Variants in TFEC observed in about 807,000 individuals in gnomAD.
TFEC encodes the protein class E basic helix-loop-helix protein 34.
In TFEC, 31 loss-of-function variants were observed where a neutral mutation model predicts 41.6. The ratio of observed to expected loss-of-function variants is 0.74; its 90% CI spans 0.56 to 1.01. The LOEUF is 1.01. Ranked by LOEUF, TFEC falls within the 50% of genes least tolerant of loss-of-function variation. The pLI is 0.00. For synonymous variants in TFEC, 143 were observed against 140.6 expected (o/e 1.02, Z -0.12); for missense variants, 402 against 404.1 (o/e 0.99, Z 0.04).
intron 3 of TFEC, among the ~76,000 whole-genome samples, chr7:116,110,441 GATGATA>G (rs761540883): frequency 1.3e-5 from 2 of 152,080 alleles, no homozygotes; most frequent in Non-Finnish European, 2.9e-5. Context: ...CAATGATGTA[GATGATA>G]ATGATAATAA....
At chr7:116,111,950 C>T (rs1175852819) in intron 2 of TFEC, 1 of 960,384 alleles carries the variant, frequency 1.0e-6, no homozygotes, top group Non-Finnish European at 1.2e-6. Flanking sequence ...TGTGGTCTTG[C>T]TGAGACAAGT....
At chr7:116,151,816 A>G (rs1798768649) in intron 1 of TFEC, among the ~76,000 whole-genome samples, 1 of 152,182 alleles carries the variant, frequency 6.6e-6, no homozygotes. Flanking sequence ...ATAAAATACT[A>G]CTGAAACCTG....
At chr7:115,946,538 C>T (rs906473384) in intron 6 of TFEC, among the ~76,000 whole-genome samples, 1 of 150,786 alleles carries the variant, frequency 6.6e-6, no homozygotes, top group African/African-American at 2.4e-5. Context: ...GTCTCAGCCT[C>T]CTGAGTAGCT....
chr7:115,984,279 C>A lies in TFEC; in HGVS notation c.163G>T (p.Asp55Tyr). 1 of 1,613,994 alleles carries A rather than the reference C, an allele frequency of 6.2e-7. No individual in the cohort carries two copies. Among genetic ancestry groups the A allele is most frequent in the Non-Finnish European group, 8.5e-7 (1 of 1,179,912 alleles). ...AGACATACATGCCATTGTGCATTGT[C>A]ATCTTCTTTCCCAATAGCTAGTAAC... ...TKLLAIGKED[D>Y]NAQWHMEDVI... The change falls in exon 2 of 8, where the codon GAC (aspartate) becomes TAC (tyrosine). Residue 55 changes from aspartate to tyrosine, a missense_variant. Coordinates refer to ENST00000265440, the MANE Select transcript of TFEC (RefSeq NM_012252.4).
At chr7:115,971,472 C>A (rs1323903362) in intron 3 of TFEC, among the ~76,000 whole-genome samples, 1 of 151,852 alleles carries the variant, frequency 6.6e-6, no homozygotes, top group Non-Finnish European at 1.5e-5. Context: ...CCCTTTGTTT[C>A]TTTTGTTTTT....
intron 1 of TFEC, among the ~76,000 whole-genome samples, chr7:116,136,307 T>C (rs568662881): frequency 6.6e-6 from 1 of 152,150 alleles, no homozygotes; most frequent in East Asian, 1.9e-4. Context: ...TGTTTTAAAA[T>C]GTATATTAAT....
At chr7:116,019,421 T>A (rs1337075868) in intron 1 of TFEC, among the ~76,000 whole-genome samples, 1 of 152,200 alleles carries the variant, frequency 6.6e-6, no homozygotes, top group Admixed American at 6.5e-5. Flanking sequence ...GCATCCAACA[T>A]GGTTTTAGTC....
rs1189559339 is a variant in TFEC at position 115,950,819 on chromosome 7, C to T, written c.515+55G>A. On this transcript the variant is annotated intron_variant, in intron 6 of 7. Coordinates refer to ENST00000265440, the MANE Select transcript of TFEC (RefSeq NM_012252.4). ...CTCTCCTCCCTTCTTCCCTCCCATT[C>T]ATTTTGGGGGTCTTTAAATTATAAC... 69 of 1,370,174 alleles carry T rather than the reference C, an allele frequency of 5.0e-5. 1 individual carries two copies. Among genetic ancestry groups the T allele is most frequent in the Non-Finnish European group, 6.7e-5 (66 of 989,096 alleles). The allele number at this position is 1,370,174 out of a possible 1,614,324, so 84.9% of individuals were successfully genotyped here. A position where few individuals can be genotyped will look rare whatever the true frequency, so the allele number is the denominator to read the frequency against.
intron 3 of TFEC, among the ~76,000 whole-genome samples, chr7:116,062,225 CTTT>C (rs569480964): frequency 1.9e-5 from 1 of 51,900 alleles, no homozygotes; most frequent in Non-Finnish European, 3.0e-5. Context: ...CATGCCTGGC[CTTT>C]TTTTTTTTTT....
intron 1 of TFEC, among the ~76,000 whole-genome samples, chr7:116,003,020 T>C (rs550169860): frequency 1.3e-5 from 2 of 151,780 alleles, no homozygotes; most frequent in Non-Finnish European, 2.9e-5. Flanking sequence ...AGAACAAGGG[T>C]AACAAATAGA....
chr7:116,088,251 A>G (rs781447507), intron 3 of TFEC, among the ~76,000 whole-genome samples: 1 of 152,120 alleles, frequency 6.6e-6, no homozygotes, highest in Non-Finnish European at 1.5e-5. Flanking sequence ...TCGTTACTAT[A>G]GAACTCTGTG....
At chr7:116,028,878 T>G (rs1157323684) in intron 1 of TFEC, among the ~76,000 whole-genome samples, 20 of 152,200 alleles carry the variant, frequency 1.3e-4, no homozygotes, top group Non-Finnish European at 2.9e-4. Flanking sequence ...TCCTTATTTC[T>G]CCTTTCTGAC....
chr7:115,942,191 G>A, intron 6 of TFEC, 151 bp from the exon 7 acceptor site: 1 of 714,270 alleles, frequency 1.4e-6, no homozygotes, highest in Non-Finnish European at 2.0e-6. Flanking sequence ...AATTTTAATA[G>A]AATAGTTAAG....
intron 3 of TFEC, among the ~76,000 whole-genome samples, chr7:116,036,967 T>A (rs1584433658): frequency 6.6e-6 from 1 of 152,054 alleles, no homozygotes. Context: ...CATTTAAGTT[T>A]AAAATATTAG....
intron 1 of TFEC, among the ~76,000 whole-genome samples, chr7:115,992,618 T>G (rs1794174034): frequency 6.6e-6 from 1 of 152,136 alleles, no homozygotes; most frequent in South Asian, 2.1e-4. Context: ...AATGGATAAA[T>G]TCCTGGATAC....
At chr7:115,994,804 C>A (rs1314070120) in intron 1 of TFEC, among the ~76,000 whole-genome samples, 1 of 152,128 alleles carries the variant, frequency 6.6e-6, no homozygotes, top group Non-Finnish European at 1.5e-5. Context: ...CCTCAAGGAT[C>A]TAGAACTAGA....
intron 6 of TFEC, among the ~76,000 whole-genome samples, chr7:115,949,609 C>G (rs1445762649): frequency 6.6e-6 from 1 of 151,960 alleles, no homozygotes; most frequent in Non-Finnish European, 1.5e-5. Context: ...AAAGGATTCC[C>G]TATTTAATAA....
intron 3 of TFEC, among the ~76,000 whole-genome samples, chr7:116,097,485 G>A (rs886946545): frequency 1.3e-5 from 2 of 152,096 alleles, no homozygotes; most frequent in Admixed American, 6.6e-5. Flanking sequence ...TAAAATAAGG[G>A]TGACTTGGAC....
Position 115,950,931 on chromosome 7 carries a change from T to C in TFEC, c.458A>G (p.Tyr153Cys), listed in dbSNP as rs1269751075. ...CTCCTTGATTCGGTAATTAATATTA[T>C]ACCTTCTTCTTCTTTCAACTATTAA... is the stretch of plus-strand genomic sequence containing the variant. ...NHNLIERRRR[Y>C]NINYRIKELG... Residue 153 changes from tyrosine to cysteine, a missense_variant, in exon 6 of 8, where the codon TAT becomes TGT. Tyr to Cys is a radical substitution (Grantham distance 194). Transcript: ENST00000265440. The C allele has an allele frequency of 1.9e-6, 3 of 1,594,178 alleles. No homozygotes were observed. Among genetic ancestry groups the C allele is most frequent in the Admixed American group, 3.4e-5 (2 of 59,220 alleles).
Sources: gnomAD v4.1 joint callset for allele counts (sites outside exome capture counted in the v4.1 genomes callset) on GRCh38, gnomAD v4.1.1 for gene constraint, MANE v1.5 for transcripts, NCBI Gene and HGNC (gene_info 2026-07-23, HGNC 2026-07-21) for gene names.